RASGRF2: variants seen among roughly 807,000 people sequenced by gnomAD.
RASGRF2 encodes the protein Ras protein specific guanine nucleotide releasing factor 2, also known as ras-specific guanine nucleotide-releasing factor 2.
Under a neutral mutation model 151.0 loss-of-function variants are expected in RASGRF2, and 76 were observed. The observed-to-expected ratio is 0.50, with a 90% CI of 0.42 to 0.61. The LOEUF is 0.61. RASGRF2 is among the 20% of genes least tolerant of loss of function. The probability of loss-of-function intolerance (pLI) is 0.00; values close to 1 mark genes in which losing one functional copy is unlikely to be tolerated. For synonymous variants in RASGRF2, 504 were observed against 566.5 expected (o/e 0.89, Z 1.57); for missense variants, 1,148 against 1,564.6 (o/e 0.73, Z 4.49).
intron 1 of RASGRF2, among the ~76,000 whole-genome samples, chr5:81,022,443 A>G (rs1219581590): frequency 1.3e-5 from 2 of 152,184 alleles, no homozygotes; most frequent in African/African-American, 2.4e-5. Context: ...GTCACCACCC[A>G]TATTGTCATG....
intron 2 of RASGRF2, among the ~76,000 whole-genome samples, chr5:81,067,379 T>G (rs1002481733): frequency 6.6e-6 from 1 of 152,204 alleles, no homozygotes; most frequent in African/African-American, 2.4e-5. Context: ...AAGTTTTGTT[T>G]TACCATACTT....
At chr5:80,969,123 CTTTT>C (rs551407326) in intron 1 of RASGRF2, among the ~76,000 whole-genome samples, 28,152 of 93,358 alleles carry the variant, frequency 0.3, 3,358 homozygotes, top group South Asian at 0.34. Flanking sequence ...GTGCAGGACT[CTTTT>C]TTTTTTTTTT....
chr5:80,979,428 A>G (rs1193887390), intron 1 of RASGRF2, among the ~76,000 whole-genome samples: 1 of 152,222 alleles, frequency 6.6e-6, no homozygotes, highest in Non-Finnish European at 1.5e-5. Context: ...TGAGCTCCAT[A>G]TGAAGGCACA....
intron 2 of RASGRF2, among the ~76,000 whole-genome samples, chr5:81,057,113 G>A (rs947061700): frequency 1.3e-5 from 2 of 152,138 alleles, no homozygotes; most frequent in African/African-American, 2.4e-5. Flanking sequence ...TTTAATTGGA[G>A]CATTTAGCCC....
At chr5:80,984,348 T>G (rs1056622770) in intron 1 of RASGRF2, among the ~76,000 whole-genome samples, 1 of 152,226 alleles carries the variant, frequency 6.6e-6, no homozygotes, top group Non-Finnish European at 1.5e-5. Flanking sequence ...CCACTGCACC[T>G]GGCCTCGTGT....
chr5:81,118,951 C>T (rs993260744), intron 15 of RASGRF2, among the ~76,000 whole-genome samples: 2 of 152,162 alleles, frequency 1.3e-5, no homozygotes, highest in African/African-American at 4.8e-5. Context: ...CATCTGAGAC[C>T]TCACCAGAAT....
chr5:81,018,357 C>T (rs964347921), intron 1 of RASGRF2, among the ~76,000 whole-genome samples: 1 of 152,144 alleles, frequency 6.6e-6, no homozygotes, highest in South Asian at 2.1e-4. Flanking sequence ...TGTTCTGCCT[C>T]GTCTTAGTTC....
intron 1 of RASGRF2, among the ~76,000 whole-genome samples, chr5:80,969,987 G>A (rs907689348): frequency 9.9e-5 from 15 of 151,226 alleles, no homozygotes; most frequent in Non-Finnish European, 1.2e-4. Flanking sequence ...CCACCACCCC[G>A]ACTAATTTTG....
chr5:81,056,944 T>C (rs1205457504), intron 2 of RASGRF2, among the ~76,000 whole-genome samples: 1 of 152,168 alleles, frequency 6.6e-6, no homozygotes, highest in Non-Finnish European at 1.5e-5. Flanking sequence ...GAGACTAGGA[T>C]TGCAACCCCT....
At chr5:81,009,513 C>T (rs898532820) in intron 1 of RASGRF2, among the ~76,000 whole-genome samples, 3 of 152,068 alleles carry the variant, frequency 2.0e-5, no homozygotes, top group Admixed American at 6.5e-5. Flanking sequence ...AGCAAATATC[C>T]CTAAAGCAAG....
intron 1 of RASGRF2, among the ~76,000 whole-genome samples, chr5:80,965,142 T>C (rs935070403): frequency 2.0e-5 from 3 of 152,142 alleles, no homozygotes; most frequent in African/African-American, 7.2e-5. Context: ...ACTTCATTAC[T>C]AGTCATTTTA....
chr5:81,029,790 C>G (rs1328859907), intron 1 of RASGRF2, among the ~76,000 whole-genome samples: 1 of 152,206 alleles, frequency 6.6e-6, no homozygotes, highest in South Asian at 2.1e-4. Flanking sequence ...CAAAGCTGGA[C>G]AGAGAATGAC....
At chr5:81,163,234 C>G (rs891553589) in intron 17 of RASGRF2, among the ~76,000 whole-genome samples, 1 of 151,996 alleles carries the variant, frequency 6.6e-6, no homozygotes, top group Non-Finnish European at 1.5e-5. Context: ...ACCTCACTTC[C>G]GTCTTCTGGG....
Position 81,042,843 on chromosome 5 carries a change from G to C in RASGRF2, c.289-34G>C, listed in dbSNP as rs372940492. 151 of 1,468,298 alleles carry C rather than the reference G, an allele frequency of 1.0e-4. 1 individual carries two copies. Among genetic ancestry groups the C allele is most frequent in the Non-Finnish European group, 1.3e-4 (135 of 1,063,712 alleles). 91.0% of individuals were successfully genotyped at this position (1,468,298 alleles called of 1,614,324 possible). Reference sequence around the variant, plus strand: ...ATTATGCTGTTGTGCTTGAAAAATAGAACTAAGTTTTTTGTGTTTCTTTTT... The same window carrying C: ...ATTATGCTGTTGTGCTTGAAAAATACAACTAAGTTTTTTGTGTTTCTTTTT... On this transcript the variant is annotated intron_variant, in intron 1 of 26. Coordinates refer to ENST00000265080, the MANE Select transcript of RASGRF2 (RefSeq NM_006909.3).
At chr5:81,183,511 T>C (rs1754962828) in intron 18 of RASGRF2, among the ~76,000 whole-genome samples, 2 of 152,168 alleles carry the variant, frequency 1.3e-5, no homozygotes, top group Admixed American at 1.3e-4. Context: ...TTAGTTAATA[T>C]TTGGGGAGGC....
At position 81,073,217 on chromosome 5, in the gene RASGRF2, G is replaced by C. The variant is rs1376525967; in HGVS notation, c.652G>C (p.Gly218Arg). ...TCTGTAGGTTCAGAGCTTCATGCGA[G>C]GATGGTTGTGCAGAAGGAAATGGAA... ...KIKKVQSFMR[G>R]WLCRRKWKTI... The change falls in exon 5 of 27, where the codon GGA (glycine) becomes CGA (arginine). Residue 218 changes from glycine (G) to arginine (R), a missense_variant. Coordinates refer to ENST00000265080, the MANE Select transcript of RASGRF2 (RefSeq NM_006909.3). The C allele has an allele frequency of 6.2e-7, 1 of 1,613,988 alleles. No homozygotes were observed. The highest frequency in any genetic ancestry group is 1.1e-5 in the South Asian group (1 of 91,072).
chr5:81,011,912 A>G (rs1749475769), intron 1 of RASGRF2, among the ~76,000 whole-genome samples: 1 of 152,124 alleles, frequency 6.6e-6, no homozygotes, highest in African/African-American at 2.4e-5. Flanking sequence ...TTTCTTTTAG[A>G]GTAAAGGGTC....
At chr5:81,159,860 A>G (rs1754342172) in intron 17 of RASGRF2, among the ~76,000 whole-genome samples, 1 of 152,212 alleles carries the variant, frequency 6.6e-6, no homozygotes, top group African/African-American at 2.4e-5. Context: ...TGTCCATGCT[A>G]ACGGCAGTGC....
chr5:81,118,572 A>T (rs1753222021), intron 15 of RASGRF2, among the ~76,000 whole-genome samples: 1 of 151,844 alleles, frequency 6.6e-6, no homozygotes, highest in Non-Finnish European at 1.5e-5. Context: ...TTTTAGCCAT[A>T]CTCTCTTTAG....
Sources: allele counts gnomAD v4.1 joint callset (sites outside exome capture counted in the v4.1 genomes callset), GRCh38; gene constraint gnomAD v4.1.1; transcripts MANE v1.5; gene names NCBI Gene and HGNC (gene_info 2026-07-23, HGNC 2026-07-21).